The following MAB21L4 variants were observed in gnomAD, a reference collection of about 807,000 sequenced individuals.
The protein encoded by MAB21L4 is protein mab-21-like 4.
Under a neutral mutation model 32.4 loss-of-function variants are expected in MAB21L4, and 25 were observed. That is an observed-to-expected ratio of 0.77 (90% CI 0.56 to 1.08). MAB21L4 has a LOEUF of 1.08. MAB21L4 is among the 50% of genes least tolerant of loss of function. The pLI is 0.00. For missense variants in MAB21L4, 638 were observed against 611.0 expected, an observed-to-expected ratio of 1.04 and a Z score of -0.47; for synonymous variants, 280 against 276.8, an observed-to-expected ratio of 1.01 and a Z score of -0.11.
intron 1 of MAB21L4, among the ~76,000 whole-genome samples, chr2:240,894,983 GCA>G (rs150556490): frequency 6.6e-6 from 1 of 152,122 alleles, no homozygotes; most frequent in East Asian, 1.9e-4. Flanking sequence ...ACGCAGGCAG[GCA>G]CACACACACC....
Position 240,891,759 on chromosome 2 carries a change from C to T in MAB21L4, c.519G>A (p.Ser173=), listed in dbSNP as rs201526003. 132 of 1,607,710 alleles carry T rather than the reference C, an allele frequency of 8.2e-5. 1 individual carries two copies. The East Asian group carries it at 2.7e-3, about 33-fold the overall frequency. Residue 173 remains serine (S), a synonymous_variant, in exon 2 of 5, where the codon TCG becomes TCA. Transcript: ENST00000388934. The part of the protein sequence containing the change: ...CKHHSLIAPG[S]LNAASLREEQ... ...CCTCCCTCAGGCTGGCCGCGTTCAG[C>T]GAACCTGCAAAGACCCAAGTCACGC...
chr2:240,886,217 C>G lies in MAB21L4; in HGVS notation c.*853G>C, dbSNP rs1003364528. 1 of 152,220 alleles carries G rather than the reference C, an allele frequency of 6.6e-6. No homozygotes were observed. Among genetic ancestry groups the G allele is most frequent in the Non-Finnish European group, 1.5e-5 (1 of 68,134 alleles). 9.4% of individuals were successfully genotyped at this position (152,220 alleles called of 1,614,324 possible). On this transcript the variant is annotated 3_prime_UTR_variant, in exon 5 of 5. Coordinates refer to ENST00000388934, the MANE Select transcript of MAB21L4 (RefSeq NM_001085437.3). ...CAAAAGGAGAGGGGGAGGGGCCACA[C>G]ACTCAAAAAACCAGATCTCATGAGA...
At chr2:240,896,584 G>A (rs549731329), upstream of MAB21L4, among the ~76,000 whole-genome samples, 3 of 152,300 alleles carry the variant, frequency 2.0e-5, no homozygotes, top group African/African-American at 4.8e-5. Flanking sequence ...GGGAGCCCCC[G>A]ACTCTCTAAG....
chr2:240,895,875 G>A lies in MAB21L4; in HGVS notation c.123C>T (p.Asn41=), dbSNP rs780027347. 15 of 1,548,710 alleles carry A rather than the reference G, an allele frequency of 9.7e-6. No individual in the cohort carries two copies. The highest frequency in any genetic ancestry group is 1.8e-4 in the Middle Eastern group (1 of 5,496). ...CGCGCTCCAGCACCGTGAGCAGCAC[G>A]TTCTCTGCGCGCTGGAAGTCCTGGG... ...PRAQDFQRAE[N]VLLTVLERVH... is the part of the protein sequence containing the mutation. Residue 41 remains asparagine, a synonymous_variant, in exon 1 of 5, where the codon AAC becomes AAT. Transcript: ENST00000388934.
Position 240,888,639 on chromosome 2 carries a change from G to A in MAB21L4, c.904C>T (p.Leu302=). ...GCCAGGAAGAGCACAGAGGCCCACAGCAGCACCATCTGCAGGACAGCAGGG... is the reference window on the plus strand; with the variant it reads ...GCCAGGAAGAGCACAGAGGCCCACAACAGCACCATCTGCAGGACAGCAGGG... ...LTFGHLKMVL[L]WASVLFLAPE... The change falls in exon 4 of 5, where the codon CTG becomes TTG. Residue 302 remains leucine, a synonymous_variant. Coordinates refer to ENST00000388934, the MANE Select transcript of MAB21L4 (RefSeq NM_001085437.3). The A allele has an allele frequency of 6.4e-7, 1 of 1,571,548 alleles. No homozygotes were observed. The highest frequency in any genetic ancestry group is 8.6e-7 in the Non-Finnish European group (1 of 1,158,294).
At chr2:240,888,054 C>T (rs998120887) in intron 4 of MAB21L4, among the ~76,000 whole-genome samples, 5 of 152,188 alleles carry the variant, frequency 3.3e-5, no homozygotes, top group African/African-American at 1.2e-4. Flanking sequence ...GACCCACTGC[C>T]CTGGTTCCAG....
At position 240,895,844 on chromosome 2, in the gene MAB21L4, C is replaced by A. The variant is rs751588655; in HGVS notation, c.154G>T (p.Ala52Ser). ...VLLTVLERVHALDPRFIVDYS... is the reference protein window; with the variant it reads ...VLLTVLERVHSLDPRFIVDYS... ...TCCACGATGAAGCGGGGGTCCAGGG[C>A]ATGCACGCGCTCCAGCACCGTGAGC... The change falls in exon 1 of 5, where the codon GCC (alanine) becomes TCC (serine). Residue 52 changes from alanine to serine, a missense_variant. Physicochemically the swap from Ala to Ser is moderately conservative, Grantham distance 99. Transcript: ENST00000388934. 2 of 1,579,282 alleles carry A rather than the reference C, an allele frequency of 1.3e-6. No homozygotes were observed. The highest frequency in any genetic ancestry group is 1.7e-6 in the Non-Finnish European group (2 of 1,160,520).
chr2:240,890,027 C>T lies in MAB21L4; in HGVS notation c.872G>A (p.Gly291Asp). The T allele has an allele frequency of 1.2e-6, 2 of 1,612,214 alleles. No individual in the cohort carries two copies. The highest frequency in any genetic ancestry group is 1.7e-6 in the Non-Finnish European group (2 of 1,178,790). Reference protein sequence around the residue: ...ESWRDSGQTDGLTFGHLKMVL... With the variant: ...ESWRDSGQTDDLTFGHLKMVL... Reference sequence around the variant, plus strand: ...TACCTTCAGGTGGCCAAAGGTCAGGCCGTCAGTCTGGCCACTGTCACGCCA... The same window carrying T: ...TACCTTCAGGTGGCCAAAGGTCAGGTCGTCAGTCTGGCCACTGTCACGCCA... Residue 291 changes from glycine (G) to aspartate (D), a missense_variant, in exon 3 of 5, where the codon GGC (glycine) becomes GAC (aspartate). Physicochemically the swap from Gly to Asp is moderately conservative, Grantham distance 94. Transcript: ENST00000388934.
rs1184106449 is a variant in MAB21L4, at chr2:240,888,663, G to C, written c.895-15C>G. On this transcript the variant is annotated splice_polypyrimidine_tract_variant and intron_variant, in intron 3 of 4. Transcript: ENST00000388934. Reference sequence around the variant, plus strand: ...AGCAGCACCATCTGCAGGACAGCAGGGTCAGCCCTGGCCTCCTGGCCCACC... The same window carrying C: ...AGCAGCACCATCTGCAGGACAGCAGCGTCAGCCCTGGCCTCCTGGCCCACC... The C allele has an allele frequency of 1.5e-5, 22 of 1,507,938 alleles. No homozygotes were observed. The highest frequency in any genetic ancestry group is 1.9e-5 in the Non-Finnish European group (21 of 1,126,788). 93.4% of individuals were successfully genotyped at this position (1,507,938 alleles called of 1,614,324 possible). A position where few individuals can be genotyped will look rare whatever the true frequency, so the allele number is the denominator to read the frequency against.
At chr2:240,894,797 C>CACAAACAA (rs61681925) in intron 1 of MAB21L4, among the ~76,000 whole-genome samples, 81,163 of 150,822 alleles carry the variant, frequency 0.54, 22,978 homozygotes, top group African/African-American at 0.73. Flanking sequence ...GACTCAGTCT[C>CACAAACAA]ACAAACAAAC....
At position 240,887,017 on chromosome 2, in the gene MAB21L4, T is replaced by C. The variant is rs1195039937; in HGVS notation, c.*53A>G. ...ATCCCAGGAGCCTCCCATGGTGCAG[T>C]GCAGAGTCTGTTGGGGAGCCAAGAA... On this transcript the variant is annotated 3_prime_UTR_variant, in exon 5 of 5. Transcript: ENST00000388934. The C allele has an allele frequency of 1.5e-6, 2 of 1,376,238 alleles. No individual in the cohort carries two copies. The highest frequency in any genetic ancestry group is 2.3e-5 in the East Asian group (1 of 43,614). The allele number at this position is 1,376,238 out of a possible 1,614,324, so 85.3% of individuals were successfully genotyped here. A position where few individuals can be genotyped will look rare whatever the true frequency, so the allele number is the denominator to read the frequency against.
At chr2:240,887,772 A>C (rs1003163389) in intron 4 of MAB21L4, among the ~76,000 whole-genome samples, 4 of 152,166 alleles carry the variant, frequency 2.6e-5, no homozygotes, top group African/African-American at 9.7e-5. Flanking sequence ...GACTCCAGGC[A>C]GGCTCAGCAG....
At chr2:240,895,449 C>A in intron 1 of MAB21L4, 35 bp downstream of exon 1, 2 of 1,483,618 alleles carry the variant, frequency 1.3e-6, no homozygotes, top group Non-Finnish European at 1.8e-6. Context: ...CCTCGGTACA[C>A]GCAGATACGC....
In MAB21L4 at chr2:240,892,698, C is replaced by T. The variant is rs560396777; in HGVS notation, c.515-935G>A. ...CACTATTCCTGACCAGGTCTGGATC[C>T]TACACTTCCCAGAGAGCCCTTGCCC... is the stretch of plus-strand genomic sequence containing the variant. On this transcript the variant is annotated intron_variant, in intron 1 of 4. Coordinates refer to ENST00000388934, the MANE Select transcript of MAB21L4 (RefSeq NM_001085437.3). Among the ~76,000 whole-genome samples the T allele has an allele frequency of 2.4e-4, 36 of 152,272 alleles. No homozygotes were observed. The South Asian group carries it at 7.2e-3, about 31-fold the overall frequency.
At chr2:240,891,921 C>A (rs755568296) in intron 1 of MAB21L4, 158 bp from the exon 2 acceptor site, 1 of 1,572,416 alleles carries the variant, frequency 6.4e-7, no homozygotes, top group South Asian at 1.2e-5. Flanking sequence ...GCTCCCCAAC[C>A]CCAGACACCT....
At position 240,888,547 on chromosome 2, in the gene MAB21L4, C is replaced by G; in HGVS notation, c.996G>C (p.Leu332=). The change falls in exon 4 of 5, where the codon CTG becomes CTC. Residue 332 remains leucine (L), a synonymous_variant. Transcript: ENST00000388934. Reference sequence around the variant, plus strand: ...GGAAGTGGGGCAGCTTCCGCGTGGCCAGGCAACAGAGCAGCACCACCAGCA... The same window carrying G: ...GGAAGTGGGGCAGCTTCCGCGTGGCGAGGCAACAGAGCAGCACCACCAGCA... ...YRLLVVLLCC[L]ATRKLPHFLH... is the part of the protein sequence containing the mutation. 6.2e-7 allele frequency: 1 copy of G among 1,608,852 alleles called. No individual in the cohort carries two copies. Among genetic ancestry groups the G allele is most frequent in the Non-Finnish European group, 8.5e-7 (1 of 1,179,386 alleles).
intron 1 of MAB21L4, among the ~76,000 whole-genome samples, chr2:240,893,866 G>A (rs1436151388): frequency 6.6e-6 from 1 of 152,110 alleles, no homozygotes; most frequent in African/African-American, 2.4e-5. Flanking sequence ...AGTGAGGTCG[G>A]GAAGAAGATA....
At chr2:240,890,819 C>CA (rs2059139541) in intron 2 of MAB21L4, among the ~76,000 whole-genome samples, 3 of 152,230 alleles carry the variant, frequency 2.0e-5, no homozygotes, top group Non-Finnish European at 4.4e-5. Flanking sequence ...CCTTGGCAGG[C>CA]GGGCAGGTAG....
intron 4 of MAB21L4, among the ~76,000 whole-genome samples, chr2:240,887,479 A>ATTTT (rs2059106062): frequency 2.0e-5 from 3 of 152,368 alleles, no homozygotes; most frequent in African/African-American, 7.2e-5. Context: ...GTCTGCTGAG[A>ATTTT]GCACAGAGCA....
Sources: gnomAD v4.1 joint callset for allele counts (sites outside exome capture counted in the v4.1 genomes callset) on GRCh38, gnomAD v4.1.1 for gene constraint, MANE v1.5 for transcripts, NCBI Gene and HGNC (gene_info 2026-07-23, HGNC 2026-07-21) for gene names.